The following LPAR6 variants were observed in gnomAD, a reference collection of about 807,000 sequenced individuals.
The protein encoded by LPAR6 is lysophosphatidic acid receptor 6, also known as G-protein coupled purinergic receptor P2Y5.
LPAR6 carries 17 observed loss-of-function variants against 22.0 expected under a neutral mutation model. That is an observed-to-expected ratio of 0.77 (90% CI 0.53 to 1.16). The LOEUF (loss-of-function observed/expected upper bound fraction) is 1.16, where lower values mean the gene tolerates loss of function less well. LPAR6 is among the 50% of genes most tolerant of loss of function. The pLI, the probability that LPAR6 is intolerant of heterozygous loss-of-function variation, is 0.00. For synonymous variants in LPAR6, 136 were observed against 139.8 expected, an observed-to-expected ratio of 0.97 and a Z score of 0.19; for missense variants, 384 against 406.9, an observed-to-expected ratio of 0.94 and a Z score of 0.48.
At chr13:48,441,404 C>A (rs1026307973) in intron 1 of LPAR6, among the ~76,000 whole-genome samples, 1 of 152,136 alleles carries the variant, frequency 6.6e-6, no homozygotes, top group African/African-American at 2.4e-5. Context: ...GAATGACCAA[C>A]GGGTTTCCAA....
At chr13:48,419,145 A>T (rs1331952376) in intron 2 of LPAR6, among the ~76,000 whole-genome samples, 1 of 152,040 alleles carries the variant, frequency 6.6e-6, no homozygotes, top group Non-Finnish European at 1.5e-5. Context: ...GGAGTAAAAC[A>T]CTCCTCAACA....
intron 1 of LPAR6, among the ~76,000 whole-genome samples, chr13:48,391,902 G>A (rs1948613565): frequency 6.6e-6 from 1 of 152,116 alleles, no homozygotes; most frequent in Non-Finnish European, 1.5e-5. Context: ...TTACTGGCAT[G>A]AGCCACCGCA....
At chr13:48,403,997 T>C (rs1485745113) in intron 1 of LPAR6, among the ~76,000 whole-genome samples, 1 of 152,014 alleles carries the variant, frequency 6.6e-6, no homozygotes, top group African/African-American at 2.4e-5. Flanking sequence ...TGAGACACTG[T>C]CTCAAAGAAA....
Position 48,422,957 on chromosome 13 carries a change from A to G in LPAR6, c.-1094-167T>C, listed in dbSNP as rs185178643. Among the ~76,000 whole-genome samples the G allele has an allele frequency of 2.0e-5, 3 of 152,160 alleles. No homozygotes were observed. In the East Asian group the frequency reaches 5.8e-4, roughly 29 times the overall value. ...GGATTTCAAGACCAGCCTAGGCAAC[A>G]TAGTGACACCCTGTTTCCAAAAATT... On this transcript the variant is annotated intron_variant, in intron 1 of 4. Coordinates refer to the LPAR6 transcript ENST00000345941.
upstream of LPAR6, among the ~76,000 whole-genome samples, chr13:48,413,788 G>A (rs1031915745): frequency 1.3e-5 from 2 of 152,010 alleles, no homozygotes. Context: ...CTTTGGTGTG[G>A]TGTTAATTTT....
At chr13:48,430,229 T>C (rs775448659), upstream of LPAR6, among the ~76,000 whole-genome samples, 1 of 152,200 alleles carries the variant, frequency 6.6e-6, no homozygotes, top group Non-Finnish European at 1.5e-5. Flanking sequence ...GAATTTAATG[T>C]ATGATAATTT....
At chr13:48,443,903 G>GA (rs1355981354) in intron 1 of LPAR6, among the ~76,000 whole-genome samples, 1 of 152,012 alleles carries the variant, frequency 6.6e-6, no homozygotes, top group Non-Finnish European at 1.5e-5. Context: ...TGATGTGTAG[G>GA]AAAAAACTCT....
intron 1 of LPAR6, among the ~76,000 whole-genome samples, chr13:48,442,401 C>T (rs1593520896): frequency 6.6e-6 from 1 of 151,998 alleles, no homozygotes; most frequent in African/African-American, 2.4e-5. Flanking sequence ...GGGGTTTCAC[C>T]GTGTTAGCCA....
chr13:48,406,273 C>T (rs762715252), downstream of LPAR6, among the ~76,000 whole-genome samples: 1 of 151,984 alleles, frequency 6.6e-6, no homozygotes, highest in Non-Finnish European at 1.5e-5. Flanking sequence ...TTCATTCCCA[C>T]CAGAAATGTA....
At chr13:48,414,342 CAAA>C (rs199626771), upstream of LPAR6, among the ~76,000 whole-genome samples, 4 of 93,100 alleles carry the variant, frequency 4.3e-5, no homozygotes, top group African/African-American at 7.3e-5. Context: ...GAGACTATCT[CAAA>C]AAAAAAAAAA....
chr13:48,437,586 T>G (rs1482218949), intron 1 of LPAR6, among the ~76,000 whole-genome samples: 1 of 152,172 alleles, frequency 6.6e-6, no homozygotes, highest in African/African-American at 2.4e-5. Context: ...CCAAGTTCAC[T>G]CGTGTGGTTG....
chr13:48,405,172 A>G lies in LPAR6; in HGVS notation n.114+10528T>C, dbSNP rs147844747. Among the ~76,000 whole-genome samples, 784 of 152,334 alleles carry G rather than the reference A, an allele frequency of 5.1e-3. 4 individuals carry two copies. The highest frequency in any genetic ancestry group is 8.2e-3 in the Non-Finnish European group (555 of 68,028). On this transcript the variant is annotated intron_variant and non_coding_transcript_variant, in intron 1 of 1. Coordinates refer to the LPAR6 transcript ENST00000462781. ...AAAAATCCTACGATGCAACAAGCCC[A>G]GAAAATGTTTGTTCCACATGAGAAA...
intron 1 of LPAR6, among the ~76,000 whole-genome samples, chr13:48,399,918 A>AGG: frequency 6.6e-6 from 1 of 152,120 alleles, no homozygotes; most frequent in Non-Finnish European, 1.5e-5. Context: ...AGAAATATTC[A>AGG]TAACTTGTCT....
At chr13:48,436,443 G>A (rs775007474) in intron 1 of LPAR6, among the ~76,000 whole-genome samples, 2 of 152,188 alleles carry the variant, frequency 1.3e-5, no homozygotes, top group Admixed American at 6.5e-5. Flanking sequence ...AGAAGTTCGA[G>A]ACCAGCCTGG....
chr13:48,406,717 G>C (rs1430885584), downstream of LPAR6: 2 of 152,188 alleles, frequency 1.3e-5, no homozygotes, highest in African/African-American at 4.8e-5. Flanking sequence ...TGCCTGTGGT[G>C]CTTGCCTTGC....
At chr13:48,414,890 A>G (rs1948881810), upstream of LPAR6, among the ~76,000 whole-genome samples, 1 of 152,182 alleles carries the variant, frequency 6.6e-6, no homozygotes, top group South Asian at 2.1e-4. Context: ...TTCTTATTAG[A>G]AGGCTGGTAG....
rs1949162615 is a variant in LPAR6, at chr13:48,434,538, A to T, written c.-1474+10015T>A. Among the ~76,000 whole-genome samples the T allele has an allele frequency of 3.3e-5, 5 of 152,186 alleles. 1 individual carries two copies. In the South Asian group the frequency reaches 1.0e-3, roughly 32 times the overall value. ...CAGCAGAAGGCACCCAGCCACAAAA[A>T]ACACCCTGGCCCAGGAAGTCTCTTT... is the stretch of plus-strand genomic sequence containing the variant. On this transcript the variant is annotated intron_variant, in intron 1 of 6. Coordinates refer to the LPAR6 transcript ENST00000378434.
At chr13:48,399,592 G>A (rs1168289759) in intron 1 of LPAR6, among the ~76,000 whole-genome samples, 1 of 151,850 alleles carries the variant, frequency 6.6e-6, no homozygotes, top group East Asian at 1.9e-4. Context: ...GGATTAATAA[G>A]GCATTAAATG....
upstream of LPAR6, chr13:48,415,714 C>G (rs1406769211): frequency 6.6e-6 from 1 of 152,114 alleles, no homozygotes; most frequent in Non-Finnish European, 1.5e-5. Flanking sequence ...ATTCTTGGTT[C>G]TTTGTAGATG....
Sources: gnomAD v4.1 joint callset for allele counts (sites outside exome capture counted in the v4.1 genomes callset) on GRCh38, gnomAD v4.1.1 for gene constraint, MANE v1.5 for transcripts, NCBI Gene and HGNC (gene_info 2026-07-23, HGNC 2026-07-21) for gene names.